Variants in COL14A1 observed in about 807,000 individuals in gnomAD.
COL14A1 encodes the protein collagen alpha-1(XIV) chain.
Under a neutral mutation model 230.3 loss-of-function variants are expected in COL14A1, and 136 were observed. The observed-to-expected ratio is 0.59, with a 90% CI of 0.51 to 0.68. The LOEUF is 0.68. COL14A1 is among the 30% of genes least tolerant of loss of function. COL14A1 has a pLI of 0.00. For missense variants in COL14A1, 1,976 were observed against 2,215.8 expected, an observed-to-expected ratio of 0.89 and a Z score of 2.17; for synonymous variants, 792 against 784.1, an observed-to-expected ratio of 1.01 and a Z score of -0.17.
At chr8:120,248,150 G>C (rs1455206196) in intron 21 of COL14A1, among the ~76,000 whole-genome samples, 1 of 151,920 alleles carries the variant, frequency 6.6e-6, no homozygotes, top group East Asian at 1.9e-4. Context: ...GGATTAGTTG[G>C]AAAATTTTCA....
intron 23 of COL14A1, among the ~76,000 whole-genome samples, chr8:120,261,118 A>G (rs1819310319): frequency 6.6e-6 from 1 of 152,204 alleles, no homozygotes; most frequent in African/African-American, 2.4e-5. Context: ...TCCCAACACA[A>G]AGAAAAGATA....
chr8:120,345,269 TG>T, intron 44 of COL14A1, 105 bp from the exon 45 acceptor site: 1 of 993,050 alleles, frequency 1.0e-6, no homozygotes, highest in Admixed American at 2.9e-5. Context: ...TTTCCCTTGG[TG>T]GGTATCTAAC....
intron 34 of COL14A1, among the ~76,000 whole-genome samples, chr8:120,290,471 T>C (rs1468365714): frequency 1.3e-5 from 2 of 152,220 alleles, no homozygotes; most frequent in Non-Finnish European, 2.9e-5. Context: ...CATTCTCTAA[T>C]TTGAGTCATT....
At chr8:120,235,453 A>G in intron 19 of COL14A1, among the ~76,000 whole-genome samples, 1 of 151,922 alleles carries the variant, frequency 6.6e-6, no homozygotes, top group Admixed American at 6.6e-5. Context: ...ACAGGCATGC[A>G]CCACCCCTGC....
chr8:120,128,595 C>A (rs531538987), intron 1 of COL14A1, among the ~76,000 whole-genome samples: 4 of 152,002 alleles, frequency 2.6e-5, no homozygotes, highest in African/African-American at 9.7e-5. Flanking sequence ...ATTAGCTGGG[C>A]GTGGTGGTGG....
At chr8:120,169,744 T>G (rs1246667398) in intron 5 of COL14A1, among the ~76,000 whole-genome samples, 1 of 152,036 alleles carries the variant, frequency 6.6e-6, no homozygotes, top group African/African-American at 2.4e-5. Context: ...TTTCTAATAT[T>G]TTAATATGAA....
intron 1 of COL14A1, among the ~76,000 whole-genome samples, chr8:120,143,103 G>A (rs1182380971): frequency 1.3e-5 from 2 of 152,112 alleles, no homozygotes; most frequent in Non-Finnish European, 2.9e-5. Flanking sequence ...AGGAGTTATA[G>A]AACCCAACAT....
chr8:120,335,735 GA>G (rs1822039119), intron 42 of COL14A1, among the ~76,000 whole-genome samples: 2 of 152,244 alleles, frequency 1.3e-5, no homozygotes, highest in Non-Finnish European at 1.5e-5. Flanking sequence ...CCCTAGGGCA[GA>G]ATGTACATTG....
intron 19 of COL14A1, among the ~76,000 whole-genome samples, chr8:120,237,210 A>G (rs1002821346): frequency 6.6e-6 from 1 of 152,206 alleles, no homozygotes; most frequent in Non-Finnish European, 1.5e-5. Context: ...GTGTTTTCCA[A>G]CTTCGTTCCA....
intron 5 of COL14A1, among the ~76,000 whole-genome samples, chr8:120,192,172 A>C (rs1001641260): frequency 6.6e-6 from 1 of 152,196 alleles, no homozygotes; most frequent in Non-Finnish European, 1.5e-5. Flanking sequence ...ATGATTTTGC[A>C]GTGGCTGGTA....
intron 44 of COL14A1, 59 bp from the exon 45 acceptor site, chr8:120,345,316 G>C: frequency 2.0e-6 from 3 of 1,467,128 alleles, no homozygotes; most frequent in Non-Finnish European, 9.1e-7. Flanking sequence ...GACACCCCTG[G>C]TCCTCTCTTT....
At chr8:120,159,214 G>A (rs879371402) in intron 3 of COL14A1, among the ~76,000 whole-genome samples, 10 of 152,110 alleles carry the variant, frequency 6.6e-5, no homozygotes, top group African/African-American at 1.4e-4. Flanking sequence ...TTCAACCAGC[G>A]TCTGAATTTT....
At chr8:120,157,140 C>T (rs1056841762) in intron 2 of COL14A1, among the ~76,000 whole-genome samples, 1 of 152,076 alleles carries the variant, frequency 6.6e-6, no homozygotes, top group Non-Finnish European at 1.5e-5. Context: ...AAAAGTAACA[C>T]AAAAATGAGT....
At chr8:120,175,138 T>G (rs1816238292) in intron 5 of COL14A1, among the ~76,000 whole-genome samples, 2 of 152,242 alleles carry the variant, frequency 1.3e-5, no homozygotes, top group Admixed American at 1.3e-4. Flanking sequence ...CAGAAGTGGC[T>G]GTGCAGTTAA....
At chr8:120,273,805 CAA>C (rs113673542) in intron 26 of COL14A1, among the ~76,000 whole-genome samples, 133 of 140,056 alleles carry the variant, frequency 9.5e-4, no homozygotes, top group Middle Eastern at 6.9e-3. Context: ...AACAGTTTTC[CAA>C]AAAAAAAAAA....
At chr8:120,145,982 A>T (rs7816925) in intron 1 of COL14A1, among the ~76,000 whole-genome samples, 49,712 of 151,998 alleles carry the variant, frequency 0.33, 8,549 homozygotes, top group African/African-American at 0.4. Flanking sequence ...AAAGAAAGTG[A>T]TGTGAAGGCT....
chr8:120,319,691 T>C (rs1308141394), intron 40 of COL14A1, among the ~76,000 whole-genome samples: 2 of 152,252 alleles, frequency 1.3e-5, no homozygotes, highest in Non-Finnish European at 2.9e-5. Flanking sequence ...TATTCTGGCT[T>C]TTCCCAAGGG....
At chr8:120,347,810 A>G (rs1822575977) in intron 45 of COL14A1, among the ~76,000 whole-genome samples, 1 of 152,182 alleles carries the variant, frequency 6.6e-6, no homozygotes, top group South Asian at 2.1e-4. Context: ...GATTATCATC[A>G]TTCTGGATAA....
At chr8:120,365,621 T>G (rs1188060593) in intron 45 of COL14A1, among the ~76,000 whole-genome samples, 1 of 152,228 alleles carries the variant, frequency 6.6e-6, no homozygotes, top group Admixed American at 6.5e-5. Context: ...AATTGAGCAT[T>G]AAATATTGGT....
Sources: allele counts gnomAD v4.1 joint callset (sites outside exome capture counted in the v4.1 genomes callset), GRCh38; gene constraint gnomAD v4.1.1; transcripts MANE v1.5; gene names NCBI Gene and HGNC (gene_info 2026-07-23, HGNC 2026-07-21).